SHANK2: variants seen among roughly 807,000 people sequenced by gnomAD.
The protein encoded by SHANK2 is SH3 and multiple ankyrin repeat domains protein 2.
SHANK2 carries 43 observed loss-of-function variants against 133.7 expected under a neutral mutation model. The observed-to-expected ratio is 0.32, with a 90% CI of 0.25 to 0.41. SHANK2 has a LOEUF of 0.41. SHANK2 is among the 10% of genes least tolerant of loss of function. SHANK2 has a pLI of 1.00. For missense variants in SHANK2, 1,994 were observed against 2,235.8 expected (o/e 0.89, Z 2.18); for synonymous variants, 1,017 against 952.8 (o/e 1.07, Z -1.24).
intron 2 of SHANK2, among the ~76,000 whole-genome samples, chr11:71,172,331 G>A (rs782218214): frequency 2.6e-5 from 4 of 152,082 alleles, no homozygotes; most frequent in African/African-American, 7.2e-5. Flanking sequence ...AGAAACAGCC[G>A]CCGGGCACGG....
chr11:71,189,586 C>T (rs782757608), intron 2 of SHANK2, among the ~76,000 whole-genome samples: 18 of 152,112 alleles, frequency 1.2e-4, no homozygotes, highest in Non-Finnish European at 2.4e-4. Context: ...TTTTTGTAGA[C>T]TCAGGGTTTC....
intron 15 of SHANK2, among the ~76,000 whole-genome samples, chr11:70,664,909 A>G (rs1262375181): frequency 2.0e-5 from 3 of 152,146 alleles, no homozygotes; most frequent in African/African-American, 7.2e-5. Context: ...CAAAATGAGA[A>G]CAACAAGATG....
chr11:71,176,335 A>C (rs1209264123), intron 2 of SHANK2, among the ~76,000 whole-genome samples: 1 of 152,246 alleles, frequency 6.6e-6, no homozygotes, highest in African/African-American at 2.4e-5. Flanking sequence ...AATGTTTAGC[A>C]ATAGAAAATT....
Position 70,535,773 on chromosome 11 carries a change from C to T in SHANK2, c.2062-32842G>A, listed in dbSNP as rs570106575. 2.6e-5 allele frequency among the ~76,000 whole-genome samples: 4 copies of T among 152,344 alleles called. No homozygotes were observed. Among genetic ancestry groups the T allele is most frequent in the Admixed American group, 2.6e-4 (4 of 15,302 alleles). On this transcript the variant is annotated intron_variant, in intron 17 of 25. Transcript: ENST00000601538. The surrounding 1 kb of genome is among the most constrained non-coding windows in gnomAD (Gnocchi z 4.3). Reference sequence around the variant, plus strand: ...CACTGTGGGAAGTCCCTGTGCTCCACGGGGCAGGAGAGGTTCGGGTGGGCC... The same window carrying T: ...CACTGTGGGAAGTCCCTGTGCTCCATGGGGCAGGAGAGGTTCGGGTGGGCC...
At chr11:70,770,795 C>T (rs1336243244) in intron 14 of SHANK2, among the ~76,000 whole-genome samples, 1 of 152,108 alleles carries the variant, frequency 6.6e-6, no homozygotes, top group East Asian at 1.9e-4. Context: ...GGGATCAGTC[C>T]CTCTCCGACA....
intron 2 of SHANK2, among the ~76,000 whole-genome samples, chr11:71,172,891 C>T (rs1215373008): frequency 1.5e-4 from 23 of 152,216 alleles, no homozygotes; most frequent in Admixed American, 1.2e-3. Flanking sequence ...CATGTGAGAA[C>T]GTGATCAAAA....
At chr11:71,085,603 T>TAA (rs1951373895) in intron 8 of SHANK2, among the ~76,000 whole-genome samples, 1 of 85,312 alleles carries the variant, frequency 1.2e-5, no homozygotes, top group African/African-American at 4.9e-5. Context: ...AATATATATA[T>TAA]TAAATATATA....
intron 15 of SHANK2, among the ~76,000 whole-genome samples, chr11:70,693,989 A>G (rs567131165): frequency 4.4e-4 from 67 of 152,148 alleles, no homozygotes; most frequent in Non-Finnish European, 6.9e-4. Context: ...GGCGGGAAGG[A>G]TGGATGTATA....
At chr11:71,219,194 A>G (rs1309075006) in intron 2 of SHANK2, among the ~76,000 whole-genome samples, 9 of 152,374 alleles carry the variant, frequency 5.9e-5, no homozygotes, top group South Asian at 4.1e-4. Context: ...AAGGCCCACA[A>G]AATTTTCTGT....
At chr11:71,187,413 G>A (rs547903568) in intron 2 of SHANK2, among the ~76,000 whole-genome samples, 30 of 152,046 alleles carry the variant, frequency 2.0e-4, no homozygotes, top group Non-Finnish European at 3.7e-4. Context: ...GGTTTCTCAC[G>A]TTTTATTCAG....
intron 2 of SHANK2, among the ~76,000 whole-genome samples, chr11:71,221,323 C>T (rs1954535407): frequency 6.6e-6 from 1 of 152,148 alleles, no homozygotes; most frequent in African/African-American, 2.4e-5. Context: ...ATTGGACCCT[C>T]ACACCACAGT....
chr11:70,747,628 C>T (rs113676936), intron 14 of SHANK2, among the ~76,000 whole-genome samples: 7 of 152,336 alleles, frequency 4.6e-5, no homozygotes, highest in African/African-American at 1.7e-4. Flanking sequence ...CTGGCCCTCC[C>T]TCCATATCCC....
intron 17 of SHANK2, among the ~76,000 whole-genome samples, chr11:70,649,520 T>C (rs1315576291): frequency 6.6e-6 from 1 of 152,138 alleles, no homozygotes; most frequent in Non-Finnish European, 1.5e-5. Context: ...CTCCAGTTCA[T>C]TTGCCAGTCT....
At chr11:70,672,738 G>A (rs782146444) in intron 15 of SHANK2, among the ~76,000 whole-genome samples, 7 of 152,214 alleles carry the variant, frequency 4.6e-5, no homozygotes, top group Non-Finnish European at 8.8e-5. Flanking sequence ...CTCATTTGCT[G>A]TCTGACTCCC....
rs1364617644 is a variant in SHANK2 at position 71,093,054 on chromosome 11, G to GGA, written c.745-466_745-465insTC. Among the ~76,000 whole-genome samples, 9 of 141,520 alleles carry GGA rather than the reference G, an allele frequency of 6.4e-5. 1 individual carries two copies. Among genetic ancestry groups the GGA allele is most frequent in the Admixed American group, 2.8e-4 (4 of 14,494 alleles). The allele number at this position is 141,520 out of a possible 152,430, so 92.8% of individuals were successfully genotyped here. ...CAAAGCTCAGTCTCAAAAATAAAGG[G>GGA]GGGGGGGGGCAGGTATAACTTTAGA... is the stretch of plus-strand genomic sequence containing the variant. On this transcript the variant is annotated intron_variant, in intron 7 of 25. Transcript: ENST00000601538.
At chr11:70,906,255 G>T (rs1190363763) in intron 10 of SHANK2, among the ~76,000 whole-genome samples, 5 of 152,218 alleles carry the variant, frequency 3.3e-5, no homozygotes, top group Non-Finnish European at 7.3e-5. Flanking sequence ...CAGCACATGC[G>T]AATGCTCTTC....
chr11:70,573,438 A>G (rs2060074786), intron 17 of SHANK2, among the ~76,000 whole-genome samples: 2 of 149,688 alleles, frequency 1.3e-5, no homozygotes, highest in African/African-American at 4.9e-5. Flanking sequence ...CACTTTAAAT[A>G]TGTGAACTTG....
intron 15 of SHANK2, among the ~76,000 whole-genome samples, chr11:70,691,841 C>G (rs1307899636): frequency 6.6e-6 from 1 of 152,170 alleles, no homozygotes; most frequent in Non-Finnish European, 1.5e-5. Context: ...TCACAGTAAG[C>G]TGAGAGCATG....
chr11:71,133,544 A>C (rs1333701732), intron 3 of SHANK2, among the ~76,000 whole-genome samples: 1 of 148,672 alleles, frequency 6.7e-6, no homozygotes, highest in East Asian at 2.0e-4. Context: ...CTGGATGGAT[A>C]GATAGACGGA....
Sources: allele counts gnomAD v4.1 joint callset (sites outside exome capture counted in the v4.1 genomes callset), GRCh38; gene constraint gnomAD v4.1.1; non-coding constraint Gnocchi (gnomAD v3.1); transcripts MANE v1.5; gene names NCBI Gene and HGNC (gene_info 2026-07-23, HGNC 2026-07-21).